SUMF1: variants seen among roughly 807,000 people sequenced by gnomAD.
SUMF1 encodes the protein sulfatase modifying factor 1.
A neutral mutation model predicts 47.6 loss-of-function variants in SUMF1; 48 were observed. The observed-to-expected ratio is 1.01, with a 90% CI of 0.80 to 1.28. SUMF1 has a LOEUF of 1.28. Ranked by LOEUF, SUMF1 falls within the 50% of genes most tolerant of loss-of-function variation. SUMF1 has a pLI of 0.00. For synonymous variants in SUMF1, 230 were observed against 192.1 expected, an observed-to-expected ratio of 1.20 and a Z score of -1.63; for missense variants, 571 against 485.4, an observed-to-expected ratio of 1.18 and a Z score of -1.66.
intron 9 of SUMF1, among the ~76,000 whole-genome samples, chr3:4,061,372 G>C (rs1425180666): frequency 2.0e-5 from 3 of 152,106 alleles, no homozygotes; most frequent in East Asian, 3.9e-4. Context: ...TGAAACACCA[G>C]ATCTCTCACC....
At chr3:4,094,511 G>A (rs1692858318) in intron 8 of SUMF1, among the ~76,000 whole-genome samples, 1 of 152,196 alleles carries the variant, frequency 6.6e-6, no homozygotes, top group Non-Finnish European at 1.5e-5. Context: ...AGGTCAGGAT[G>A]TAAGCTAGGC....
At chr3:4,151,942 G>A (rs1411742446) in intron 8 of SUMF1, among the ~76,000 whole-genome samples, 5 of 151,512 alleles carry the variant, frequency 3.3e-5, no homozygotes, top group Admixed American at 6.6e-5. Flanking sequence ...GTACTTGCTG[G>A]ATGGTTTCTG....
Position 4,271,131 on chromosome 3 carries a change from C to T in SUMF1, c.1014+105199G>A, listed in dbSNP as rs1327672692. On this transcript the variant is annotated intron_variant and NMD_transcript_variant, in intron 8 of 12. Transcript: ENST00000448413. ...GCTATAGTCAGTCTGATCGATTGTGCTAATACCCACCACCAATCACATTTC... is the reference window on the plus strand; with the variant it reads ...GCTATAGTCAGTCTGATCGATTGTGTTAATACCCACCACCAATCACATTTC... Among the ~76,000 whole-genome samples the T allele has an allele frequency of 2.0e-5, 3 of 152,144 alleles. No homozygotes were observed. In the South Asian group the frequency reaches 6.2e-4, roughly 31 times the overall value.
intron 9 of SUMF1, among the ~76,000 whole-genome samples, chr3:4,048,707 A>C (rs1053768839): frequency 6.6e-5 from 10 of 152,174 alleles, no homozygotes; most frequent in African/African-American, 2.4e-4. Flanking sequence ...ACACTTGACA[A>C]ATACAGTAGT....
chr3:4,229,450 C>T, intron 8 of SUMF1: 1 of 249,636 alleles, frequency 4.0e-6, no homozygotes, highest in Admixed American at 5.6e-5. Context: ...TCCTTACTAA[C>T]CAGGTAATTT....
At chr3:4,142,575 A>G (rs1694096925) in intron 8 of SUMF1, among the ~76,000 whole-genome samples, 1 of 152,190 alleles carries the variant, frequency 6.6e-6, no homozygotes, top group African/African-American at 2.4e-5. Flanking sequence ...GATAGTACCT[A>G]ACACAAACAG....
intron 8 of SUMF1, among the ~76,000 whole-genome samples, chr3:4,251,416 A>T (rs1386323003): frequency 6.6e-6 from 1 of 152,242 alleles, no homozygotes; most frequent in East Asian, 1.9e-4. Context: ...AATGACAACA[A>T]AGGATTTGTA....
rs371769992 is a variant in SUMF1 at position 4,119,186 on chromosome 3, T to C, written c.1015-50441A>G. Among the ~76,000 whole-genome samples the C allele has an allele frequency of 1.2e-4, 18 of 152,232 alleles. 3 individuals carry two copies. Among genetic ancestry groups the C allele is most frequent in the East Asian group, 1.9e-4 (1 of 5,184 alleles). On this transcript the variant is annotated intron_variant and NMD_transcript_variant, in intron 8 of 12. Transcript: ENST00000448413. ...ATTAGAAAGAGCTAAAAGTCCGGAC[T>C]GCTCTCTCCGCCTACATTGTCACTA...
intron 8 of SUMF1, among the ~76,000 whole-genome samples, chr3:4,162,154 T>C (rs192330478): frequency 2.0e-5 from 3 of 151,898 alleles, no homozygotes; most frequent in African/African-American, 7.2e-5. Flanking sequence ...TAATGCCCTA[T>C]CCTGTTGTGG....
At chr3:4,279,101 A>G (rs887150646) in intron 8 of SUMF1, among the ~76,000 whole-genome samples, 3 of 152,166 alleles carry the variant, frequency 2.0e-5, no homozygotes, top group African/African-American at 4.8e-5. Context: ...CTTTTGCCAC[A>G]TGTAGTTTGA....
intron 8 of SUMF1, among the ~76,000 whole-genome samples, chr3:4,213,598 A>G (rs1225687083): frequency 6.6e-6 from 1 of 152,220 alleles, no homozygotes; most frequent in Non-Finnish European, 1.5e-5. Flanking sequence ...AAATGCCCCA[A>G]TTAAAAGGCA....
chr3:4,113,451 C>G (rs1355424478), intron 8 of SUMF1, among the ~76,000 whole-genome samples: 2 of 151,940 alleles, frequency 1.3e-5, no homozygotes, highest in Non-Finnish European at 2.9e-5. Flanking sequence ...ATTCCCTGAG[C>G]CAGGAGGTTA....
At chr3:4,114,763 T>G (rs980542902) in intron 8 of SUMF1, among the ~76,000 whole-genome samples, 1 of 152,132 alleles carries the variant, frequency 6.6e-6, no homozygotes, top group Non-Finnish European at 1.5e-5. Flanking sequence ...TAAACATAAT[T>G]TGTCCATGTG....
chr3:4,466,939 G>A (rs907036808), intron 1 of SUMF1, 37 bp downstream of exon 1: 25 of 1,600,384 alleles, frequency 1.6e-5, no homozygotes, highest in Non-Finnish European at 2.0e-5. Flanking sequence ...CAGGAACCGA[G>A]CAGCCCCCAC....
At chr3:4,170,040 T>C (rs1247181978) in intron 8 of SUMF1, among the ~76,000 whole-genome samples, 2 of 152,162 alleles carry the variant, frequency 1.3e-5, no homozygotes, top group South Asian at 2.1e-4. Flanking sequence ...ACAATAGGGA[T>C]TGGCAAACTA....
intron 8 of SUMF1, among the ~76,000 whole-genome samples, chr3:4,076,485 T>G (rs554296534): frequency 6.6e-6 from 1 of 151,974 alleles, no homozygotes; most frequent in Non-Finnish European, 1.5e-5. Flanking sequence ...AAAGCCAAAA[T>G]AGACAAGTTG....
chr3:4,333,975 A>T (rs369562149), intron 8 of SUMF1, among the ~76,000 whole-genome samples: 1 of 152,088 alleles, frequency 6.6e-6, no homozygotes, highest in Non-Finnish European at 1.5e-5. Flanking sequence ...AAAAATATTT[A>T]AAAAGTAGCC....
At position 4,447,759 on chromosome 3, in the gene SUMF1, C is replaced by A. The variant is rs1298501003; in HGVS notation, c.519+1507G>T. Among the ~76,000 whole-genome samples the A allele has an allele frequency of 4.6e-5, 7 of 152,174 alleles. No homozygotes were observed. The South Asian group carries it at 1.0e-3, about 22-fold the overall frequency. On this transcript the variant is annotated intron_variant, in intron 3 of 8. Coordinates refer to ENST00000272902, the MANE Select transcript of SUMF1 (RefSeq NM_182760.4). ...GCAGTTAAGCAAGTGACCAACACTACAACCCAGTGAGAGCTGCCTGTCCTC... is the reference window on the plus strand; with the variant it reads ...GCAGTTAAGCAAGTGACCAACACTAAAACCCAGTGAGAGCTGCCTGTCCTC...
chr3:4,300,660 G>A (rs897591402), intron 8 of SUMF1, among the ~76,000 whole-genome samples: 2 of 152,152 alleles, frequency 1.3e-5, no homozygotes, highest in African/African-American at 4.8e-5. Context: ...AGAACATTCT[G>A]TAAAGACTTG....
Sources: allele counts gnomAD v4.1 joint callset (sites outside exome capture counted in the v4.1 genomes callset), GRCh38; gene constraint gnomAD v4.1.1; transcripts MANE v1.5; gene names NCBI Gene and HGNC (gene_info 2026-07-23, HGNC 2026-07-21).